Variants in GLIS3 observed in about 807,000 individuals in gnomAD.
GLIS3 encodes GLIS family zinc finger 3, also known as zinc finger protein GLIS3.
A neutral mutation model predicts 78.6 loss-of-function variants in GLIS3; 53 were observed. That is an observed-to-expected ratio of 0.67 (90% CI 0.54 to 0.85). The LOEUF (loss-of-function observed/expected upper bound fraction) is 0.85, where lower values mean the gene tolerates loss of function less well. GLIS3 is among the 40% of genes least tolerant of loss of function. The pLI is 0.00. For missense variants in GLIS3, 1,703 were observed against 1,231.1 expected (o/e 1.38, Z -5.74); for synonymous variants, 684 against 509.9 (o/e 1.34, Z -4.60).
intron 2 of GLIS3, among the ~76,000 whole-genome samples, chr9:4,266,214 G>C (rs1275547754): frequency 6.7e-6 from 1 of 149,984 alleles, no homozygotes; most frequent in Non-Finnish European, 1.5e-5. Flanking sequence ...CACCGCGCCT[G>C]GCCCGCACTC....
rs757545130 is a variant in GLIS3 at position 4,267,944 on chromosome 9, C to CGTG, written c.388+18093_388+18094insCAC. On this transcript the variant is annotated intron_variant, in intron 2 of 10. Transcript: ENST00000381971. ...AAGTAAAAAACAGATTATAAAAATA[C>CGTG]CTGTGTGTGTGTGTGTGTGTGTGTG... 5.3e-5 allele frequency among the ~76,000 whole-genome samples: 8 copies of CGTG among 150,008 alleles called. No homozygotes were observed. In the South Asian group the frequency reaches 1.7e-3, roughly 32 times the overall value.
At chr9:4,186,259 T>C (rs974670323) in intron 2 of GLIS3, among the ~76,000 whole-genome samples, 5 of 151,804 alleles carry the variant, frequency 3.3e-5, no homozygotes, top group Admixed American at 1.3e-4. Context: ...TTTGGCCTTT[T>C]GTCCTTGCGA....
intron 7 of GLIS3, among the ~76,000 whole-genome samples, chr9:3,886,792 T>C (rs1304152054): frequency 6.6e-6 from 1 of 152,232 alleles, no homozygotes; most frequent in Non-Finnish European, 1.5e-5. Flanking sequence ...AAGAGATTTC[T>C]AGCAAGGAAA....
At chr9:4,354,708 A>G in the GLIS3 span, among the ~76,000 whole-genome samples, 14 of 152,182 alleles carry the variant, frequency 9.2e-5, no homozygotes, top group African/African-American at 2.7e-4. Context: ...GGAGTGATGC[A>G]TAAGTGTCCC....
intron 2 of GLIS3, chr9:4,285,801 T>G (rs1827938233): frequency 7.1e-6 from 4 of 560,290 alleles, no homozygotes; most frequent in Non-Finnish European, 1.3e-5. Flanking sequence ...TCTATCTTAC[T>G]GTTACTCTGT....
the GLIS3 span, among the ~76,000 whole-genome samples, chr9:4,363,504 A>T: frequency 2.0e-5 from 3 of 152,190 alleles, no homozygotes; most frequent in Admixed American, 6.5e-5. Context: ...TTGCTTTTTT[A>T]AAAAAAGCAA....
At chr9:3,858,448 A>G (rs1328062046) in intron 8 of GLIS3, among the ~76,000 whole-genome samples, 3 of 152,222 alleles carry the variant, frequency 2.0e-5, no homozygotes, top group African/African-American at 7.2e-5. Flanking sequence ...TATGATAGGT[A>G]CAAACCATGG....
At chr9:4,285,825 G>T (rs965840189) in intron 2 of GLIS3, 5 of 613,942 alleles carry the variant, frequency 8.1e-6, no homozygotes, top group Admixed American at 8.1e-5. Context: ...ACAGTCCCAG[G>T]AGATGTCTCA....
intron 2 of GLIS3, among the ~76,000 whole-genome samples, chr9:4,248,419 C>A (rs1472215230): frequency 6.6e-6 from 1 of 152,108 alleles, no homozygotes; most frequent in African/African-American, 2.4e-5. Flanking sequence ...GACATGAACT[C>A]AATTCTTTTT....
intron 1 of GLIS3, among the ~76,000 whole-genome samples, chr9:4,290,952 G>A (rs1413080674): frequency 2.0e-5 from 3 of 152,112 alleles, no homozygotes; most frequent in Non-Finnish European, 2.9e-5. Flanking sequence ...TAACAAGGTA[G>A]AGTTTGATCA....
upstream of GLIS3, among the ~76,000 whole-genome samples, chr9:4,302,146 G>A (rs1817100928): frequency 6.6e-6 from 1 of 152,146 alleles, no homozygotes; most frequent in African/African-American, 2.4e-5. Context: ...CAGCAGGGGT[G>A]AGGGAGGGTG....
the GLIS3 span, among the ~76,000 whole-genome samples, chr9:4,443,932 T>C: frequency 2.0e-5 from 3 of 152,206 alleles, no homozygotes; most frequent in African/African-American, 7.2e-5. Flanking sequence ...TGTGTCTCTA[T>C]CTACTGGCCT....
At chr9:4,358,364 C>T in the GLIS3 span, among the ~76,000 whole-genome samples, 1 of 151,924 alleles carries the variant, frequency 6.6e-6, no homozygotes, top group South Asian at 2.1e-4. Flanking sequence ...TAAATTTATT[C>T]AATAATTATC....
At chr9:4,187,712 A>T (rs1181620289) in intron 2 of GLIS3, among the ~76,000 whole-genome samples, 1 of 152,134 alleles carries the variant, frequency 6.6e-6, no homozygotes, top group Admixed American at 6.6e-5. Flanking sequence ...GGTCTTTCAC[A>T]TCCCTTGTAA....
chr9:4,364,607 T>C, the GLIS3 span, among the ~76,000 whole-genome samples: 9 of 151,866 alleles, frequency 5.9e-5, no homozygotes, highest in Admixed American at 5.3e-4. Flanking sequence ...GAAAAATATC[T>C]CAAACATTAT....
chr9:3,890,763 C>T (rs952596739), intron 7 of GLIS3, among the ~76,000 whole-genome samples: 1 of 137,260 alleles, frequency 7.3e-6, no homozygotes, highest in Non-Finnish European at 1.5e-5. Flanking sequence ...ACAACAACAA[C>T]ACAACAACAA....
chr9:4,331,581 T>C (rs2130566826), intron 2 of GLIS3, among the ~76,000 whole-genome samples: 1 of 152,284 alleles, frequency 6.6e-6, no homozygotes, highest in African/African-American at 2.4e-5. Flanking sequence ...ATAATGAAGC[T>C]GCAGGGAAAT....
At chr9:3,965,827 C>G (rs1015187981) in intron 4 of GLIS3, among the ~76,000 whole-genome samples, 4 of 152,152 alleles carry the variant, frequency 2.6e-5, no homozygotes, top group African/African-American at 7.2e-5. Context: ...TATTTAGACC[C>G]CAGGAAACGA....
At chr9:4,078,632 G>C (rs1003601282) in intron 4 of GLIS3, among the ~76,000 whole-genome samples, 1 of 152,162 alleles carries the variant, frequency 6.6e-6, no homozygotes, top group Non-Finnish European at 1.5e-5. Context: ...TAAAGCGGTG[G>C]AGAAACCATT....
Sources: allele counts gnomAD v4.1 joint callset (sites outside exome capture counted in the v4.1 genomes callset), GRCh38; gene constraint gnomAD v4.1.1; transcripts MANE v1.5; gene names NCBI Gene and HGNC (gene_info 2026-07-23, HGNC 2026-07-21).